DOCK3: variants seen among roughly 807,000 people sequenced by gnomAD.
DOCK3 encodes dedicator of cytokinesis protein 3.
Under a neutral mutation model 265.6 loss-of-function variants are expected in DOCK3, and 60 were observed. The observed-to-expected ratio is 0.23, with a 90% CI of 0.18 to 0.28. DOCK3 has a LOEUF of 0.28. Among genes scored for constraint, DOCK3 ranks in the 10% least tolerant of loss-of-function variants. DOCK3 has a pLI of 1.00. For missense variants in DOCK3, 1,981 were observed against 2,594.3 expected (o/e 0.76, Z 5.14); for synonymous variants, 881 against 938.0 (o/e 0.94, Z 1.11).
At chr3:50,705,915 G>A (rs1391011068) in intron 1 of DOCK3, among the ~76,000 whole-genome samples, 1 of 151,922 alleles carries the variant, frequency 6.6e-6, no homozygotes, top group African/African-American at 2.4e-5. Flanking sequence ...CTTGTAATCC[G>A]AGCTACTCAG....
intron 3 of DOCK3, among the ~76,000 whole-genome samples, chr3:50,874,785 G>A (rs2047619438): frequency 6.6e-6 from 1 of 152,038 alleles, no homozygotes; most frequent in Admixed American, 6.6e-5. Context: ...GTATGTTGAG[G>A]TTGTATGCTG....
intron 3 of DOCK3, among the ~76,000 whole-genome samples, chr3:50,866,668 A>G (rs2047160978): frequency 6.6e-6 from 1 of 152,046 alleles, no homozygotes; most frequent in South Asian, 2.1e-4. Flanking sequence ...GTTCCCCAGC[A>G]CCATTTATTA....
chr3:51,307,243 G>A (rs115071404), intron 27 of DOCK3, among the ~76,000 whole-genome samples: 107 of 152,198 alleles, frequency 7.0e-4, no homozygotes, highest in African/African-American at 2.4e-3. Flanking sequence ...AACCTGCTGA[G>A]TAGCTTGGAT....
chr3:50,840,591 C>T (rs1376512427), intron 2 of DOCK3, among the ~76,000 whole-genome samples: 1 of 152,146 alleles, frequency 6.6e-6, no homozygotes, highest in African/African-American at 2.4e-5. Flanking sequence ...CAATATCATA[C>T]TGTCTTGATT....
intron 4 of DOCK3, among the ~76,000 whole-genome samples, chr3:50,893,492 T>C (rs1296435430): frequency 6.6e-6 from 1 of 152,048 alleles, no homozygotes; most frequent in Non-Finnish European, 1.5e-5. Context: ...GAAAATTGTA[T>C]GGAGAACTTC....
intron 5 of DOCK3, among the ~76,000 whole-genome samples, chr3:51,001,009 C>A (rs2078466163): frequency 6.6e-6 from 1 of 152,188 alleles, no homozygotes; most frequent in Admixed American, 6.5e-5. Flanking sequence ...GAGTAGTACT[C>A]CATTTGATGG....
chr3:50,791,258 C>CTTTTTT (rs34015684), intron 2 of DOCK3, among the ~76,000 whole-genome samples: 21 of 62,780 alleles, frequency 3.3e-4, no homozygotes, highest in Non-Finnish European at 4.8e-4. Context: ...TTAAATCTAT[C>CTTTTTT]TTTTTTTTTT....
intron 12 of DOCK3, among the ~76,000 whole-genome samples, chr3:51,188,576 T>C (rs2087753262): frequency 6.6e-6 from 1 of 152,214 alleles, no homozygotes; most frequent in African/African-American, 2.4e-5. Flanking sequence ...GTTGTCTTCA[T>C]CAGCTTCCTC....
In DOCK3 at chr3:51,229,501, T is replaced by C; in HGVS notation, c.1820-11T>C. 2 of 1,566,606 alleles carry C rather than the reference T, an allele frequency of 1.3e-6. No homozygotes were observed. The highest frequency in any genetic ancestry group is 1.7e-6 in the Non-Finnish European group (2 of 1,160,458). On this transcript the variant is annotated splice_polypyrimidine_tract_variant and intron_variant, in intron 18 of 52. Transcript: ENST00000266037. ...TTCAAGGGTTCCTCATCTTTTGGGC[T>C]TGCTTTCTAGTGGACCTCCTAGCTC...
chr3:50,895,055 A>T (rs145426311), intron 4 of DOCK3, among the ~76,000 whole-genome samples: 2,671 of 152,214 alleles, frequency 0.018, 34 homozygotes, highest in Non-Finnish European at 0.024. Context: ...TTCTTCTTCA[A>T]TTAAAGGACA....
chr3:51,039,064 C>T (rs1191574319), intron 5 of DOCK3, among the ~76,000 whole-genome samples: 3 of 151,948 alleles, frequency 2.0e-5, no homozygotes, highest in East Asian at 1.9e-4. Flanking sequence ...GGCACGATCT[C>T]GGCTCACTGC....
chr3:51,049,319 G>A (rs575653573), intron 5 of DOCK3, among the ~76,000 whole-genome samples: 3 of 104,656 alleles, frequency 2.9e-5, no homozygotes, highest in East Asian at 2.9e-4. Context: ...GAGTGAGACC[G>A]TGTCTCAGAA....
chr3:50,834,241 G>C (rs2045370690), intron 2 of DOCK3, among the ~76,000 whole-genome samples: 1 of 151,600 alleles, frequency 6.6e-6, no homozygotes, highest in Non-Finnish European at 1.5e-5. Flanking sequence ...TTTTTTCAAG[G>C]GATCAAAACA....
chr3:50,858,722 T>C (rs932927410), intron 3 of DOCK3, among the ~76,000 whole-genome samples: 26 of 152,196 alleles, frequency 1.7e-4, no homozygotes, highest in Non-Finnish European at 2.8e-4. Flanking sequence ...GAAGTTTTCA[T>C]GGATGATATC....
At chr3:51,077,104 G>C (rs2082081843) in intron 7 of DOCK3, among the ~76,000 whole-genome samples, 1 of 152,134 alleles carries the variant, frequency 6.6e-6, no homozygotes, top group East Asian at 1.9e-4. Flanking sequence ...CCAGAGTAGT[G>C]ATTCAGGTAA....
At chr3:51,279,759 T>C (rs1474455794) in intron 26 of DOCK3, among the ~76,000 whole-genome samples, 1 of 152,154 alleles carries the variant, frequency 6.6e-6, no homozygotes, top group African/African-American at 2.4e-5. Flanking sequence ...TCTCCCCTTT[T>C]CCAAGTATCC....
intron 5 of DOCK3, among the ~76,000 whole-genome samples, chr3:50,998,155 C>T (rs2078348485): frequency 6.6e-6 from 1 of 152,088 alleles, no homozygotes; most frequent in Non-Finnish European, 1.5e-5. Flanking sequence ...ACTTAGGTAA[C>T]AAAAATTGCC....
intron 1 of DOCK3, among the ~76,000 whole-genome samples, chr3:50,735,199 T>G (rs551280386): frequency 6.2e-4 from 95 of 152,318 alleles, no homozygotes; most frequent in African/African-American, 2.2e-3. Flanking sequence ...GGAGGATGCC[T>G]TGTTTGTGAT....
chr3:50,880,342 G>C (rs1050374254), intron 3 of DOCK3, among the ~76,000 whole-genome samples: 1 of 152,166 alleles, frequency 6.6e-6, no homozygotes. Flanking sequence ...CCAGGAGCTG[G>C]TTTTTTGAAA....
Sources: allele counts gnomAD v4.1 joint callset (sites outside exome capture counted in the v4.1 genomes callset), GRCh38; gene constraint gnomAD v4.1.1; transcripts MANE v1.5; gene names NCBI Gene and HGNC (gene_info 2026-07-23, HGNC 2026-07-21).